The following ENPP1 variants were observed in gnomAD, a reference collection of about 807,000 sequenced individuals.
The protein encoded by ENPP1 is ectonucleotide pyrophosphatase/phosphodiesterase 1, also known as ectonucleotide pyrophosphatase/phosphodiesterase family member 1.
Under a neutral mutation model 122.8 loss-of-function variants are expected in ENPP1, and 73 were observed. The observed-to-expected ratio is 0.59, with a 90% CI of 0.49 to 0.72. The LOEUF is 0.72. ENPP1 is among the 30% of genes least tolerant of loss of function. The pLI is 0.00. For synonymous variants in ENPP1, 367 were observed against 391.6 expected (o/e 0.94, Z 0.74); for missense variants, 978 against 1,128.1 (o/e 0.87, Z 1.91).
chr6:131,886,438 T>A, intron 23 of ENPP1, 124 bp from the exon 24 acceptor site: 1 of 742,498 alleles, frequency 1.3e-6, no homozygotes, highest in Non-Finnish European at 2.3e-6. Context: ...ATTACTAGCT[T>A]CTTATATTTA....
At chr6:131,824,594 A>G (rs1412520002) in intron 1 of ENPP1, among the ~76,000 whole-genome samples, 1 of 152,082 alleles carries the variant, frequency 6.6e-6, no homozygotes, top group Admixed American at 6.5e-5. Context: ...AGCTGGGATT[A>G]TAGGTGCTCG....
intron 15 of ENPP1, 103 bp from the exon 16 acceptor site, chr6:131,874,165 C>T (rs1782198430): frequency 8.6e-6 from 7 of 818,446 alleles, no homozygotes; most frequent in Non-Finnish European, 1.0e-5. Flanking sequence ...GTTGGTTTAA[C>T]AAAATAGTTA....
Position 131,851,234 on chromosome 6 carries a change from G to A in ENPP1, c.523G>A (p.Asp175Asn), listed in dbSNP as rs142001296. 9.9e-5 allele frequency: 159 copies of A among 1,613,996 alleles called. No homozygotes were observed. Among genetic ancestry groups the A allele is most frequent in the African/African-American group, 8.1e-4 (61 of 74,922 alleles). ...ACSDDCKDKG[D>N]CCINYSSVCQ... is the part of the protein sequence containing the mutation. ...TTCAGATGACTGCAAGGACAAGGGC[G>A]ACTGCTGCATCAACTACAGTTCTGT... Residue 175 changes from aspartate (D) to asparagine (N), a missense_variant, in exon 4 of 25, where the codon GAC (aspartate) becomes AAC (asparagine). By Grantham distance (23) the Asp-to-Asn change is conservative. Transcript: ENST00000647893.
intron 1 of ENPP1, among the ~76,000 whole-genome samples, chr6:131,842,806 G>A (rs60741399): frequency 0.074 from 11,282 of 152,062 alleles, 1,389 homozygotes; most frequent in African/African-American, 0.25. Context: ...GTGGACACTC[G>A]TATTTCAATG....
At chr6:131,860,580 C>A in intron 8 of ENPP1, 74 bp downstream of exon 8, 1 of 1,177,474 alleles carries the variant, frequency 8.5e-7, no homozygotes, top group Non-Finnish European at 1.2e-6. Context: ...TAACCAGATT[C>A]TCTAGAGCTT....
At chr6:131,875,647 G>C in intron 16 of ENPP1, 129 bp from the exon 17 acceptor site, 1 of 737,308 alleles carries the variant, frequency 1.4e-6, no homozygotes, top group South Asian at 1.5e-5. Flanking sequence ...AAAGTCCACT[G>C]AGCGTGGTAG....
intron 18 of ENPP1, chr6:131,877,482 CTG>C (rs1160778823): frequency 2.6e-6 from 1 of 388,142 alleles, no homozygotes; most frequent in Non-Finnish European, 4.8e-6. Flanking sequence ...ATTAGGGAAT[CTG>C]TGCTGTTAAC....
chr6:131,843,981 T>G (rs924975419), intron 1 of ENPP1, among the ~76,000 whole-genome samples: 2 of 151,944 alleles, frequency 1.3e-5, no homozygotes, highest in Non-Finnish European at 2.9e-5. Flanking sequence ...TGTGGTGTTT[T>G]TGTGTGTGTG....
rs2114643132 is a variant in ENPP1, at chr6:131,808,054, GC to G, written c.20del (p.Ala7GlyfsTer81). On this transcript the variant is annotated frameshift_variant, in exon 1 of 25. Transcript: ENST00000647893. LOFTEE classifies it high-confidence loss of function. ...GGCCACGATGGAGCGCGACGGCTGC[GC>G]GGGGGGCGGGAGCCGCGGCGGCGAG... is the stretch of plus-strand genomic sequence containing the variant. MERDGC[A>X]GGGSRGGEGG... The G allele has an allele frequency of 1.0e-6, 1 of 986,434 alleles. No homozygotes were observed. Among genetic ancestry groups the G allele is most frequent in the African/African-American group, 1.8e-5 (1 of 56,112 alleles). 61.1% of individuals were successfully genotyped at this position (986,434 alleles called of 1,614,324 possible).
At chr6:131,881,149 A>T (rs1782300184) in intron 20 of ENPP1, among the ~76,000 whole-genome samples, 1 of 152,210 alleles carries the variant, frequency 6.6e-6, no homozygotes, top group African/African-American at 2.4e-5. Context: ...TAAAAAATAA[A>T]ATGATTTTTA....
intron 1 of ENPP1, among the ~76,000 whole-genome samples, chr6:131,819,124 T>C (rs969548947): frequency 6.6e-6 from 1 of 152,206 alleles, no homozygotes; most frequent in South Asian, 2.1e-4. Flanking sequence ...GCGTTAACAT[T>C]TGGAAGAATG....
rs376787576 is a variant in ENPP1, at chr6:131,851,159, A to C, written c.448A>C (p.Asn150His). ...CIEPEHIWTC[N>H]KFRCGEKRLT... The stretch of plus-strand genomic sequence containing the variant: ...GTTTCTAGAACATATATGGACTTGC[A>C]ACAAATTCAGGTGTGGTGAGAAAAG... The change falls in exon 4 of 25, where the codon AAC (asparagine) becomes CAC (histidine). Residue 150 changes from asparagine (N) to histidine (H), a missense_variant. By Grantham distance (68) the Asn-to-His change is moderately conservative. Transcript: ENST00000647893. The C allele has an allele frequency of 8.1e-6, 13 of 1,614,078 alleles. No homozygotes were observed. Among genetic ancestry groups the C allele is most frequent in the Non-Finnish European group, 1.1e-5 (13 of 1,179,948 alleles).
chr6:131,842,248 A>G (rs1174780017), intron 1 of ENPP1, among the ~76,000 whole-genome samples: 1 of 152,226 alleles, frequency 6.6e-6, no homozygotes, highest in Non-Finnish European at 1.5e-5. Context: ...AGGAATTACT[A>G]GAGAAGTGAC....
intron 1 of ENPP1, among the ~76,000 whole-genome samples, chr6:131,821,016 T>C (rs1781478907): frequency 6.6e-6 from 1 of 152,228 alleles, no homozygotes; most frequent in Non-Finnish European, 1.5e-5. Flanking sequence ...TTATTGTTGA[T>C]AAGCTTCAAT....
chr6:131,851,134 GT>G lies in ENPP1; in HGVS notation c.431-5del. On this transcript the variant is annotated splice_region_variant and splice_polypyrimidine_tract_variant and intron_variant, in intron 3 of 24. Transcript: ENST00000647893. ...CATAAAACACATTTTGCTGATGTTT[GT>G]TTCTAGAACATATATGGACTTGCAA... is the stretch of plus-strand genomic sequence containing the variant. 1 of 1,613,890 alleles carries G rather than the reference GT, an allele frequency of 6.2e-7. No individual in the cohort carries two copies. Among genetic ancestry groups the G allele is most frequent in the African/African-American group, 1.3e-5 (1 of 75,034 alleles).
intron 1 of ENPP1, chr6:131,826,604 G>T: frequency 9.9e-7 from 1 of 1,012,176 alleles, no homozygotes. Context: ...ATGCATTCCA[G>T]GTCACAGCTG....
intron 17 of ENPP1, among the ~76,000 whole-genome samples, chr6:131,876,137 C>T (rs1782228256): frequency 6.6e-6 from 1 of 152,140 alleles, no homozygotes; most frequent in Non-Finnish European, 1.5e-5. Context: ...TTGCTAGGCC[C>T]TCGGCTTAGT....
chr6:131,867,626 A>G (rs1782106791), intron 11 of ENPP1, among the ~76,000 whole-genome samples: 1 of 152,216 alleles, frequency 6.6e-6, no homozygotes, highest in Non-Finnish European at 1.5e-5. Flanking sequence ...AATTAAGAAC[A>G]TATTGGTTTC....
intron 1 of ENPP1, among the ~76,000 whole-genome samples, chr6:131,837,383 G>A (rs897313265): frequency 4.6e-5 from 7 of 151,680 alleles, no homozygotes; most frequent in Admixed American, 2.0e-4. Context: ...AAACTTAGCC[G>A]GGTGTGGTGG....
Sources: allele counts gnomAD v4.1 joint callset (sites outside exome capture counted in the v4.1 genomes callset), GRCh38; gene constraint gnomAD v4.1.1; transcripts MANE v1.5; gene names NCBI Gene and HGNC (gene_info 2026-07-23, HGNC 2026-07-21).